PRDX1: variants seen among roughly 807,000 people sequenced by gnomAD.
The protein encoded by PRDX1 is peroxiredoxin 1.
PRDX1 carries 19 observed loss-of-function variants against 20.7 expected under a neutral mutation model. The observed-to-expected ratio is 0.92, with a 90% CI of 0.64 to 1.35. The LOEUF (loss-of-function observed/expected upper bound fraction) is 1.35, where lower values mean the gene tolerates loss of function less well. Ranked by LOEUF, PRDX1 falls within the 40% of genes most tolerant of loss-of-function variation. PRDX1 has a pLI of 0.00. For missense variants in PRDX1, 226 were observed against 240.0 expected, an observed-to-expected ratio of 0.94 and a Z score of 0.38; for synonymous variants, 89 against 83.9, an observed-to-expected ratio of 1.06 and a Z score of -0.33.
At position 45,518,976 on chromosome 1, in the gene PRDX1, T is replaced by A. The variant is rs147268190; in HGVS notation, c.68A>T (p.Asp23Val). 2 of 1,605,616 alleles carry A rather than the reference T, an allele frequency of 1.2e-6. No homozygotes were observed. Among genetic ancestry groups the A allele is most frequent in the Non-Finnish European group, 1.7e-6 (2 of 1,177,056 alleles). The stretch of plus-strand genomic sequence containing the variant: ...CAGGCTGATATCTTTAAACTGACCA[T>A]CTGGCATAACAGCTGTGGCTTTGAA... ...PNFKATAVMP[D>V]GQFKDISLSD... The change falls in exon 2 of 6, where the codon GAT (aspartate) becomes GTT (valine). Residue 23 changes from aspartate (D) to valine (V), a missense_variant. Coordinates refer to ENST00000319248, the MANE Select transcript of PRDX1 (RefSeq NM_181697.3).
chr1:45,515,724 C>T lies in PRDX1; in HGVS notation c.190G>A (p.Glu64Lys). Residue 64 changes from glutamate (E) to lysine (K), a missense_variant, in exon 3 of 6, where the codon GAA becomes AAA. Physicochemically the swap from Glu to Lys is moderately conservative, Grantham distance 56. Coordinates refer to ENST00000319248, the MANE Select transcript of PRDX1 (RefSeq NM_181697.3). ...TEIIAFSDRA[E>K]EFKKLNCQVI... ...TGGCAGTTGAGTTTCTTAAATTCTT[C>T]TGCCCTATCACTGAAAGCAATGATC... 1.2e-6 allele frequency: 2 copies of T among 1,603,714 alleles called. No homozygotes were observed. The highest frequency in any genetic ancestry group is 4.5e-5 in the East Asian group (2 of 44,200).
intron 5 of PRDX1, among the ~76,000 whole-genome samples, chr1:45,513,939 G>A (rs890635723): frequency 1.1e-4 from 17 of 152,188 alleles, no homozygotes; most frequent in Admixed American, 3.3e-4. Context: ...CTGTGCTAAG[G>A]AGGATTAGTA....
In PRDX1 at chr1:45,514,857, T is replaced by C. The variant is rs1643828076; in HGVS notation, c.383+16A>G. ...AAAGGCTTTCAGCCAACTGGATACT[T>C]GTCCTGATGACATACCTGAACGAGA... On this transcript the variant is annotated intron_variant, in intron 4 of 5. Coordinates refer to ENST00000319248, the MANE Select transcript of PRDX1 (RefSeq NM_181697.3). 2 of 1,613,770 alleles carry C rather than the reference T, an allele frequency of 1.2e-6. No homozygotes were observed. The highest frequency in any genetic ancestry group is 2.7e-5 in the African/African-American group (2 of 74,932).
At chr1:45,521,891 G>A (rs186368206), upstream of PRDX1, 2 of 152,796 alleles carry the variant, frequency 1.3e-5, no homozygotes, top group African/African-American at 2.4e-5. Flanking sequence ...ACGCGCAAGA[G>A]CTCTCCGGGG....
chr1:45,514,813 C>A (rs914362153), intron 4 of PRDX1, 60 bp downstream of exon 4: 61 of 1,606,944 alleles, frequency 3.8e-5, no homozygotes, highest in Non-Finnish European at 5.2e-5. Flanking sequence ...CAGATCAGGG[C>A]TCTAGATCTC....
At chr1:45,515,044 T>C (rs770896995) in intron 3 of PRDX1, 49 bp from the exon 4 acceptor site, 1 of 1,603,916 alleles carries the variant, frequency 6.2e-7, no homozygotes, top group South Asian at 1.1e-5. Flanking sequence ...TTGACTTGAC[T>C]GTACGCATTC....
intron 2 of PRDX1, among the ~76,000 whole-genome samples, chr1:45,516,208 G>A (rs1361630504): frequency 6.6e-6 from 1 of 152,240 alleles, no homozygotes; most frequent in Non-Finnish European, 1.5e-5. Flanking sequence ...GTACTCCTCT[G>A]CTGTAGAGAT....
rs959844084 is a variant in PRDX1, at chr1:45,515,734, A to G, written c.180T>C (p.Ser60=). The G allele has an allele frequency of 6.2e-7, 1 of 1,606,772 alleles. No homozygotes were observed. The highest frequency in any genetic ancestry group is 8.5e-7 in the Non-Finnish European group (1 of 1,177,940). ...FVCPTEIIAF[S]DRAEEFKKLN... Reference sequence around the variant, plus strand: ...GTTTCTTAAATTCTTCTGCCCTATCACTGAAAGCAATGATCTCCGTGGGGC... The same window carrying G: ...GTTTCTTAAATTCTTCTGCCCTATCGCTGAAAGCAATGATCTCCGTGGGGC... The change falls in exon 3 of 6, where the codon AGT becomes AGC. Residue 60 remains serine, a synonymous_variant. Transcript: ENST00000319248.
At chr1:45,520,061 C>T (rs541835829) in intron 1 of PRDX1, among the ~76,000 whole-genome samples, 1 of 151,920 alleles carries the variant, frequency 6.6e-6, no homozygotes, top group South Asian at 2.1e-4. Flanking sequence ...AAAAATTAGT[C>T]GGGCGTGGTG....
intron 2 of PRDX1, among the ~76,000 whole-genome samples, chr1:45,518,427 A>G (rs1395641784): frequency 7.7e-6 from 1 of 130,342 alleles, no homozygotes; most frequent in Non-Finnish European, 1.5e-5. Flanking sequence ...AGATCACGCC[A>G]TTGCACTCTA....
chr1:45,514,968 T>G lies in PRDX1; in HGVS notation c.288A>C (p.Gly96=), dbSNP rs777429339. The part of the protein sequence containing the change: ...AWVNTPKKQG[G]LGPMNIPLVS... ...CCAAAGGAATGTTCATGGGTCCCAG[T>G]CCTCCTTGTTTCTTAGGTGTATTGA... Residue 96 remains glycine, a synonymous_variant, in exon 4 of 6, where the codon GGA becomes GGC. Coordinates refer to ENST00000319248, the MANE Select transcript of PRDX1 (RefSeq NM_181697.3). 6.2e-7 allele frequency: 1 copy of G among 1,614,228 alleles called. No homozygotes were observed. The highest frequency in any genetic ancestry group is 2.2e-5 in the East Asian group (1 of 44,890).
chr1:45,519,607 G>GT (rs1359459459), intron 1 of PRDX1, among the ~76,000 whole-genome samples: 9 of 151,994 alleles, frequency 5.9e-5, no homozygotes, highest in Non-Finnish European at 8.8e-5. Context: ...GTTTTGTTTT[G>GT]TTTTTTTGAC....
At chr1:45,517,200 C>T (rs1466079726) in intron 2 of PRDX1, among the ~76,000 whole-genome samples, 1 of 152,090 alleles carries the variant, frequency 6.6e-6, no homozygotes, top group Non-Finnish European at 1.5e-5. Flanking sequence ...CCTGCTTATA[C>T]CCCTGGGCCC....
intron 1 of PRDX1, among the ~76,000 whole-genome samples, chr1:45,521,328 T>A (rs1270151230): frequency 1.1e-4 from 17 of 152,086 alleles, no homozygotes; most frequent in Non-Finnish European, 1.5e-5. Context: ...GCGGGGACAT[T>A]TGGGCTCATC....
chr1:45,516,359 C>A (rs1042897901), intron 2 of PRDX1, among the ~76,000 whole-genome samples: 1 of 152,170 alleles, frequency 6.6e-6, no homozygotes, highest in African/African-American at 2.4e-5. Context: ...CACAGTGGTG[C>A]GTGTCTGTAG....
intron 1 of PRDX1, among the ~76,000 whole-genome samples, chr1:45,521,313 C>T (rs34721674): frequency 6.6e-5 from 10 of 152,318 alleles, no homozygotes; most frequent in Admixed American, 2.0e-4. Context: ...AGAGAGAGTG[C>T]TTCAGCGGGG....
At position 45,511,084 on chromosome 1, in the gene PRDX1, T is replaced by A. The variant is rs980213392; in HGVS notation, c.*245A>T. The A allele has an allele frequency of 1.1e-5, 4 of 353,548 alleles. No individual in the cohort carries two copies. Among genetic ancestry groups the A allele is most frequent in the Non-Finnish European group, 2.0e-5 (4 of 197,390 alleles). 21.9% of individuals were successfully genotyped at this position (353,548 alleles called of 1,614,324 possible). On this transcript the variant is annotated 3_prime_UTR_variant, in exon 6 of 6. Transcript: ENST00000319248. ...CAAGTTTAATACAAACTACAAAAGA[T>A]TAATGGGTTGCTCTACTAATACATC... is the stretch of plus-strand genomic sequence containing the variant.
At chr1:45,514,115 T>C (rs1286414724) in intron 5 of PRDX1, among the ~76,000 whole-genome samples, 1 of 152,178 alleles carries the variant, frequency 6.6e-6, no homozygotes, top group Non-Finnish European at 1.5e-5. Context: ...CGGGCAGCAA[T>C]ACTGCTCTTT....
intron 5 of PRDX1, chr1:45,511,674 G>T: frequency 2.9e-5 from 9 of 313,332 alleles, no homozygotes; most frequent in Non-Finnish European, 5.2e-5. Context: ...AAAAGGCAAA[G>T]TTTAAATAAT....
Sources: gnomAD v4.1 joint callset for allele counts (sites outside exome capture counted in the v4.1 genomes callset) on GRCh38, gnomAD v4.1.1 for gene constraint, MANE v1.5 for transcripts, NCBI Gene and HGNC (gene_info 2026-07-23, HGNC 2026-07-21) for gene names.